The following CYP11B2 variants were observed in gnomAD, a reference collection of about 807,000 sequenced individuals.
CYP11B2 encodes the protein cytochrome P450 11B2, mitochondrial.
CYP11B2 carries 38 observed loss-of-function variants against 49.3 expected under a neutral mutation model. That is an observed-to-expected ratio of 0.77 (90% confidence interval 0.59 to 1.01). The LOEUF is 1.01. Ranked by LOEUF, CYP11B2 falls within the 50% of genes least tolerant of loss-of-function variation. CYP11B2 has a pLI of 0.00. For synonymous variants in CYP11B2, 290 were observed against 269.3 expected (o/e 1.08, Z -0.75); for missense variants, 669 against 655.5 (o/e 1.02, Z -0.23).
Position 142,914,370 on chromosome 8 carries a change from G to C in CYP11B2, c.848C>G (p.Pro283Arg). 6.2e-7 allele frequency: 1 copy of C among 1,613,488 alleles called. No homozygotes were observed. The highest frequency in any genetic ancestry group is 8.5e-7 in the Non-Finnish European group (1 of 1,179,512). Residue 283 changes from proline (P) to arginine (R), a missense_variant, in exon 5 of 9, where the codon CCT becomes CGT. Transcript: ENST00000323110. The part of the protein sequence containing the change: ...KIYQELAFNR[P>R]QHYTGIVAEL... ...CGCCACGATGCCTGTGTAGTGTTGA[G>C]GGCGGTTGAAGGCCAGTTCCTGGTA...
Position 142,913,404 on chromosome 8 carries a change from G to A in CYP11B2, c.1002C>T (p.Pro334=), listed in dbSNP as rs140463031. The part of the protein sequence containing the change: ...LMTLFELARN[P]DVQQILRQES... ...CCTGGCGCAGGATCTGCTGCACGTC[G>A]GGGTTCCGAGCCAGCTCAAAGAGCG... The change falls in exon 6 of 9, where the codon CCC becomes CCT. Residue 334 remains proline, a synonymous_variant. Transcript: ENST00000323110. 43 of 1,614,000 alleles carry A rather than the reference G, an allele frequency of 2.7e-5. No individual in the cohort carries two copies. The highest frequency in any genetic ancestry group is 1.8e-4 in the Admixed American group (11 of 60,026).
Position 142,914,876 on chromosome 8 carries a change from C to T in CYP11B2, c.628G>A (p.Gly210Ser), listed in dbSNP as rs1210307530. The T allele has an allele frequency of 6.2e-7, 1 of 1,613,666 alleles. No individual in the cohort carries two copies. The highest frequency in any genetic ancestry group is 8.5e-7 in the Non-Finnish European group (1 of 1,179,990). ...SNLALFGERL[G>S]LVGHSPSSAS... The stretch of plus-strand genomic sequence containing the variant: ...GAACTGGGGCTGTGGCCAACCAGGC[C>T]CAGCCGCTCTCCAAAAAGAGCTAAG... Residue 210 changes from glycine to serine, a missense_variant, in exon 4 of 9, where the codon GGC becomes AGC. Coordinates refer to ENST00000323110, the MANE Select transcript of CYP11B2 (RefSeq NM_000498.3).
At chr8:142,916,108 CAT>C (rs1011137917) in intron 2 of CYP11B2, among the ~76,000 whole-genome samples, 6 of 152,186 alleles carry the variant, frequency 3.9e-5, no homozygotes, top group South Asian at 4.1e-4. Context: ...ACACACTACA[CAT>C]GTGCAAATGC....
intron 2 of CYP11B2, among the ~76,000 whole-genome samples, chr8:142,916,057 G>T (rs1236719351): frequency 6.6e-6 from 1 of 151,064 alleles, no homozygotes; most frequent in Non-Finnish European, 1.5e-5. Context: ...ACAGACACTT[G>T]TGCACACACA....
intron 2 of CYP11B2, 35 bp downstream of exon 2, chr8:142,917,024 T>A (rs1817658524): frequency 6.2e-7 from 1 of 1,612,778 alleles, no homozygotes. Flanking sequence ...CTGCCCACCC[T>A]GCTCCCAGCT....
chr8:142,913,344 A>G lies in CYP11B2; in HGVS notation c.1062T>C (p.His354=). The G allele has an allele frequency of 6.2e-7, 1 of 1,613,840 alleles. No individual in the cohort carries two copies. Among genetic ancestry groups the G allele is most frequent in the Admixed American group, 1.7e-5 (1 of 60,020 alleles). The change falls in exon 6 of 9, where the codon CAT becomes CAC. Residue 354 remains histidine, a synonymous_variant. Transcript: ENST00000323110. ...GCAGCTCGGTGGTTGCCTTCTGGGG[A>G]TGTTCACTGATGCTGGCTGCGGCGG... ...SLAAAASISE[H]PQKATTELPL... is the part of the protein sequence containing the mutation.
chr8:142,914,358 G>A lies in CYP11B2; in HGVS notation c.860C>T (p.Thr287Ile). The A allele has an allele frequency of 6.2e-7, 1 of 1,613,330 alleles. No homozygotes were observed. Among genetic ancestry groups the A allele is most frequent in the East Asian group, 2.2e-5 (1 of 44,858 alleles). ...ELAFNRPQHY[T>I]GIVAELLLKA... is the part of the protein sequence containing the mutation. ...CAACAGGAGCTCCGCCACGATGCCTGTGTAGTGTTGAGGGCGGTTGAAGGC... is the reference window on the plus strand; with the variant it reads ...CAACAGGAGCTCCGCCACGATGCCTATGTAGTGTTGAGGGCGGTTGAAGGC... The change falls in exon 5 of 9, where the codon ACA (threonine) becomes ATA (isoleucine). Residue 287 changes from threonine to isoleucine, a missense_variant. Thr to Ile is a moderately conservative substitution (Grantham distance 89). Transcript: ENST00000323110.
Position 142,912,822 on chromosome 8 carries a change from G to A in CYP11B2, c.1185C>T (p.Tyr395=), listed in dbSNP as rs868292542. The change falls in exon 7 of 9, where the codon TAC becomes TAT. Residue 395 remains tyrosine (Y), a synonymous_variant. Transcript: ENST00000323110. ...VVSSDLVLQN[Y]HIPAGTLVQV... is the part of the protein sequence containing the mutation. ...GCTCACTCACCCCAGCTGGGATGTG[G>A]TAGTTCTGAAGCACCAAGTCTGAGC... The A allele has an allele frequency of 1.2e-6, 2 of 1,613,942 alleles. No homozygotes were observed. Among genetic ancestry groups the A allele is most frequent in the Non-Finnish European group, 1.7e-6 (2 of 1,179,946 alleles).
Position 142,914,265 on chromosome 8 carries a change from G to C in CYP11B2, c.953C>G (p.Thr318Arg), listed in dbSNP as rs765921219. ...GGTGGGGCTGGTTGCTGGCCTGACC[G>C]TGTCCACGCTCCCTGCAGTGAGTTC... Reference protein sequence around the residue: ...SMELTAGSVDTTAFPLLMTLF... With the variant: ...SMELTAGSVDRTAFPLLMTLF... Residue 318 changes from threonine (T) to arginine (R), a missense_variant and splice_region_variant, in exon 5 of 9, where the codon ACG (threonine) becomes AGG (arginine). Physicochemically the swap from Thr to Arg is moderately conservative, Grantham distance 71 (BLOSUM62 -1). Coordinates refer to ENST00000323110, the MANE Select transcript of CYP11B2 (RefSeq NM_000498.3). 3.7e-6 allele frequency: 6 copies of C among 1,614,104 alleles called. No individual in the cohort carries two copies. The South Asian group carries it at 6.6e-5, about 18-fold the overall frequency.
chr8:142,913,338 C>G lies in CYP11B2; in HGVS notation c.1068G>C (p.Gln356His), dbSNP rs1817575620. ...AAAASISEHP[Q>H]KATTELPLLR... ...GCAAGGGCAGCTCGGTGGTTGCCTT[C>G]TGGGGATGTTCACTGATGCTGGCTG... Residue 356 changes from glutamine to histidine, a missense_variant, in exon 6 of 9, where the codon CAG (glutamine) becomes CAC (histidine). Coordinates refer to ENST00000323110, the MANE Select transcript of CYP11B2 (RefSeq NM_000498.3). 6.2e-7 allele frequency: 1 copy of G among 1,613,618 alleles called. No individual in the cohort carries two copies. The highest frequency in any genetic ancestry group is 2.2e-5 in the East Asian group (1 of 44,838).
intron 2 of CYP11B2, 63 bp downstream of exon 2, chr8:142,916,996 C>G (rs1817657565): frequency 3.1e-6 from 5 of 1,597,408 alleles, no homozygotes; most frequent in Non-Finnish European, 3.4e-6. Flanking sequence ...CCTCTCTCGC[C>G]TCCCCCCTAC....
chr8:142,917,435 G>A (rs1039825036), intron 1 of CYP11B2, among the ~76,000 whole-genome samples, 167 bp downstream of exon 1: 1 of 152,204 alleles, frequency 6.6e-6, no homozygotes, highest in Non-Finnish European at 1.5e-5. Flanking sequence ...ACTATCCCCT[G>A]CCCTGGCAGC....
Position 142,914,819 on chromosome 8 carries a change from C to A in CYP11B2, c.685G>T (p.Val229Phe), listed in dbSNP as rs759754069. 1 of 1,613,746 alleles carries A rather than the reference C, an allele frequency of 6.2e-7. No individual in the cohort carries two copies. Among genetic ancestry groups the A allele is most frequent in the Non-Finnish European group, 8.5e-7 (1 of 1,179,980 alleles). The part of the protein sequence containing the change: ...ASLNFLHALE[V>F]MFKSTVQLMF... ...AGCTGGACGGTGGATTTGAACATGA[C>A]CTCCAGGGCATGGAGGAAGTTCAGG... The change falls in exon 4 of 9, where the codon GTC becomes TTC. Residue 229 changes from valine (V) to phenylalanine (F), a missense_variant. Transcript: ENST00000323110.
In CYP11B2 at chr8:142,914,915, G is replaced by A. The variant is rs1418382793; in HGVS notation, c.596-7C>T. On this transcript the variant is annotated splice_polypyrimidine_tract_variant and splice_region_variant and intron_variant, in intron 3 of 8. Transcript: ENST00000323110. ...AAAAGAGCTAAGTTGCTGGCTGCGGGGAGGATGCACTGCTGAGCACAAGGC... is the reference window on the plus strand; with the variant it reads ...AAAAGAGCTAAGTTGCTGGCTGCGGAGAGGATGCACTGCTGAGCACAAGGC... The A allele has an allele frequency of 6.2e-7, 1 of 1,613,578 alleles. No homozygotes were observed. The highest frequency in any genetic ancestry group is 2.2e-5 in the East Asian group (1 of 44,860).
At chr8:142,913,590 T>C in intron 5 of CYP11B2, 139 bp from the exon 6 acceptor site, 5 of 1,031,410 alleles carry the variant, frequency 4.8e-6, no homozygotes, top group Non-Finnish European at 7.4e-6. Context: ...ACCCCGGATC[T>C]GAAACCTTGA....
At chr8:142,912,502 T>TGC in intron 8 of CYP11B2, 28 bp downstream of exon 8, 2 of 1,235,730 alleles carry the variant, frequency 1.6e-6, no homozygotes, top group Non-Finnish European at 2.4e-6. Context: ...GCTGCCCAGG[T>TGC]CCCGCCCCCG....
rs780112807 is a variant in CYP11B2, at chr8:142,912,693, C to G, written c.1235G>C (p.Arg412Pro). The G allele has an allele frequency of 1.7e-5, 27 of 1,613,904 alleles. No individual in the cohort carries two copies. The highest frequency in any genetic ancestry group is 2.1e-5 in the Non-Finnish European group (25 of 1,179,916). Reference protein sequence around the residue: ...LVQVFLYSLGRNAALFPRPER... With the variant: ...LVQVFLYSLGPNAALFPRPER... ...AGGCCTCGGGAACAAGGCGGCATTGCGACCCAGCGAGTAGAGGAAAACCTG... is the reference window on the plus strand; with the variant it reads ...AGGCCTCGGGAACAAGGCGGCATTGGGACCCAGCGAGTAGAGGAAAACCTG... Residue 412 changes from arginine to proline, a missense_variant, in exon 8 of 9, where the codon CGC (arginine) becomes CCC (proline). Arg to Pro is a moderately radical substitution (Grantham distance 103). Coordinates refer to ENST00000323110, the MANE Select transcript of CYP11B2 (RefSeq NM_000498.3).
chr8:142,917,554 A>G lies in CYP11B2; in HGVS notation c.239+48T>C, dbSNP rs1420457571. 8 of 1,613,794 alleles carry G rather than the reference A, an allele frequency of 5.0e-6. No homozygotes were observed. In the South Asian group the frequency reaches 8.8e-5, roughly 18 times the overall value. On this transcript the variant is annotated intron_variant, in intron 1 of 8. Coordinates refer to ENST00000323110, the MANE Select transcript of CYP11B2 (RefSeq NM_000498.3). ...AGTGCCTGGCAGGGTCCTGGGCAGC[A>G]GGGGCAGGGATCTGGGTGTTCCCAG...
rs771766541 is a variant in CYP11B2, at chr8:142,912,648, C to T, written c.1280G>A (p.Arg427His). 4.3e-6 allele frequency: 7 copies of T among 1,614,050 alleles called. No individual in the cohort carries two copies. In the South Asian group the frequency reaches 5.5e-5, roughly 13 times the overall value. Residue 427 changes from arginine (R) to histidine (H), a missense_variant, in exon 8 of 9, where the codon CGC becomes CAC. Transcript: ENST00000323110. ...FPRPERYNPQ[R>H]WLDIRGSGRN... The stretch of plus-strand genomic sequence containing the variant: ...GCCGGAGCCCCTGATGTCTAGCCAG[C>T]GCTGGGGATTATACCGCTCAGGCCT...
Sources: allele counts gnomAD v4.1 joint callset (sites outside exome capture counted in the v4.1 genomes callset), GRCh38; gene constraint gnomAD v4.1.1; transcripts MANE v1.5; gene names NCBI Gene and HGNC (gene_info 2026-07-23, HGNC 2026-07-21).